CLIC4: variants seen among roughly 807,000 people sequenced by gnomAD.
The protein encoded by CLIC4 is chloride intracellular channel protein 4.
In CLIC4, 13 loss-of-function variants were observed where a neutral mutation model predicts 24.6. The observed-to-expected ratio is 0.53, with a 90% CI of 0.34 to 0.84. The LOEUF is 0.84. Among genes scored for constraint, CLIC4 ranks in the 40% least tolerant of loss-of-function variants. The pLI, the probability that CLIC4 is intolerant of heterozygous loss-of-function variation, is 0.01. For synonymous variants in CLIC4, 104 were observed against 111.3 expected, an observed-to-expected ratio of 0.93 and a Z score of 0.41; for missense variants, 227 against 301.7, an observed-to-expected ratio of 0.75 and a Z score of 1.83.
At chr1:24,814,327 C>T in intron 3 of CLIC4, 108 bp downstream of exon 3, 2 of 1,247,296 alleles carry the variant, frequency 1.6e-6, no homozygotes, top group Non-Finnish European at 2.3e-6. Context: ...GACTAGGACT[C>T]TCTTCTATGT....
chr1:24,815,028 C>T (rs1054042427), intron 3 of CLIC4, among the ~76,000 whole-genome samples: 2 of 151,934 alleles, frequency 1.3e-5, no homozygotes, highest in African/African-American at 2.4e-5. Flanking sequence ...CAGACCATTG[C>T]GAGTTAGGTT....
chr1:24,798,920 T>G (rs1417312779), intron 2 of CLIC4, among the ~76,000 whole-genome samples: 1 of 152,258 alleles, frequency 6.6e-6, no homozygotes, highest in Non-Finnish European at 1.5e-5. Context: ...GTGCCGGGAT[T>G]GCAGACGGAG....
chr1:24,792,649 C>CT (rs1639353734), intron 1 of CLIC4, among the ~76,000 whole-genome samples: 1 of 152,084 alleles, frequency 6.6e-6, no homozygotes, highest in African/African-American at 2.4e-5. Flanking sequence ...AAAAAAGGGA[C>CT]TTTTTTCAGG....
At chr1:24,768,740 C>T (rs1181576842) in intron 1 of CLIC4, among the ~76,000 whole-genome samples, 1 of 151,728 alleles carries the variant, frequency 6.6e-6, no homozygotes, top group African/African-American at 2.4e-5. Context: ...CATCTCTACT[C>T]ATAATACAAA....
chr1:24,831,108 A>G (rs945014900), intron 4 of CLIC4, among the ~76,000 whole-genome samples: 4 of 152,218 alleles, frequency 2.6e-5, no homozygotes, highest in Non-Finnish European at 4.4e-5. Flanking sequence ...TTAACTATGA[A>G]AAATTACTAA....
At chr1:24,766,836 C>G (rs966057562) in intron 1 of CLIC4, among the ~76,000 whole-genome samples, 3 of 151,284 alleles carry the variant, frequency 2.0e-5, no homozygotes, top group African/African-American at 7.3e-5. Context: ...GAAATAGTTT[C>G]TTTTGGAATT....
rs966914602 is a variant in CLIC4 at position 24,759,781 on chromosome 1, GT to G, written c.72+14160del. ...CTCTGCAACGTGGGGAAACCCCATC[GT>G]TTTGTGTTTTGCAAAAACACAAAAA... is the stretch of plus-strand genomic sequence containing the variant. On this transcript the variant is annotated intron_variant, in intron 1 of 5. Transcript: ENST00000374379. 8.5e-5 allele frequency among the ~76,000 whole-genome samples: 13 copies of G among 152,064 alleles called. No individual in the cohort carries two copies. The South Asian group carries it at 2.5e-3, about 29-fold the overall frequency.
chr1:24,828,561 C>T (rs746487955), intron 4 of CLIC4, among the ~76,000 whole-genome samples: 1 of 152,108 alleles, frequency 6.6e-6, no homozygotes, highest in Admixed American at 6.5e-5. Flanking sequence ...ATCTTAGTTA[C>T]AGTTATGTTT....
intron 1 of CLIC4, among the ~76,000 whole-genome samples, chr1:24,785,854 C>CAAAAAACAAAA (rs1639259830): frequency 1.7e-5 from 1 of 58,852 alleles, no homozygotes. Flanking sequence ...GACTACAACT[C>CAAAAAACAAAA]AAAAAAAAAA....
chr1:24,840,070 G>T, intron 5 of CLIC4, 29 bp downstream of exon 5: 1 of 1,595,724 alleles, frequency 6.3e-7, no homozygotes, highest in Non-Finnish European at 8.6e-7. Flanking sequence ...ATGTCGCATT[G>T]CCATTACCTT....
rs567637495 is a variant in CLIC4, at chr1:24,747,352, G to A, written c.72+1727G>A. Among the ~76,000 whole-genome samples the A allele has an allele frequency of 1.8e-4, 27 of 151,734 alleles. No individual in the cohort carries two copies. In the South Asian group the frequency reaches 5.4e-3, roughly 30 times the overall value. ...AGATCGAGACCATCCTGGCCAACAT[G>A]GTGAAACCCCATCTCTACTAAAAAT... On this transcript the variant is annotated intron_variant, in intron 1 of 5. Coordinates refer to ENST00000374379, the MANE Select transcript of CLIC4 (RefSeq NM_013943.3).
At chr1:24,798,066 G>A in intron 2 of CLIC4, 1 of 406,130 alleles carries the variant, frequency 2.5e-6, no homozygotes, top group Non-Finnish European at 4.4e-6. Context: ...ACTTTTGTAT[G>A]TTTACCTTAA....
intron 1 of CLIC4, among the ~76,000 whole-genome samples, chr1:24,751,842 G>A (rs1179405247): frequency 6.6e-6 from 1 of 152,156 alleles, no homozygotes; most frequent in African/African-American, 2.4e-5. Context: ...CCAGCCTGAG[G>A]GACAAGAGCA....
chr1:24,839,852 C>G lies in CLIC4; in HGVS notation c.416-8C>G, dbSNP rs753049839. On this transcript the variant is annotated splice_polypyrimidine_tract_variant and splice_region_variant and intron_variant, in intron 4 of 5. Coordinates refer to ENST00000374379, the MANE Select transcript of CLIC4 (RefSeq NM_013943.3). ...ACAGTATTCTCATCTCTTTTTTTCC[C>G]CCCCAAGCACTGGAGAGGGGTCTCC... 7.5e-6 allele frequency: 12 copies of G among 1,597,516 alleles called. No homozygotes were observed. Among genetic ancestry groups the G allele is most frequent in the Non-Finnish European group, 1.0e-5 (12 of 1,174,200 alleles).
intron 1 of CLIC4, among the ~76,000 whole-genome samples, chr1:24,791,733 G>A (rs1255443373): frequency 6.6e-6 from 1 of 152,030 alleles, no homozygotes; most frequent in Non-Finnish European, 1.5e-5. Flanking sequence ...AAAATCAGCT[G>A]GGCATGGTTG....
chr1:24,772,525 G>A (rs976713886), intron 1 of CLIC4, among the ~76,000 whole-genome samples: 2 of 152,038 alleles, frequency 1.3e-5, no homozygotes, highest in Non-Finnish European at 2.9e-5. Flanking sequence ...TTGCTCTCTC[G>A]CCCAGGCTAG....
At chr1:24,758,792 A>T (rs1202936805) in intron 1 of CLIC4, among the ~76,000 whole-genome samples, 1 of 151,736 alleles carries the variant, frequency 6.6e-6, no homozygotes, top group Non-Finnish European at 1.5e-5. Flanking sequence ...TGCATGAATT[A>T]TTATTTATTT....
chr1:24,792,894 A>G (rs1639356244), intron 1 of CLIC4, among the ~76,000 whole-genome samples: 1 of 152,222 alleles, frequency 6.6e-6, no homozygotes, highest in African/African-American at 2.4e-5. Context: ...GCCCATGCTC[A>G]AGGACTGGCT....
intron 2 of CLIC4, among the ~76,000 whole-genome samples, chr1:24,799,781 C>T (rs1639457950): frequency 2.8e-5 from 3 of 108,922 alleles, no homozygotes; most frequent in Non-Finnish European, 4.0e-5. Context: ...CCAGCTGCCC[C>T]GTCTGGGAGG....
Sources: gnomAD v4.1 joint callset for allele counts (sites outside exome capture counted in the v4.1 genomes callset) on GRCh38, gnomAD v4.1.1 for gene constraint, MANE v1.5 for transcripts, NCBI Gene and HGNC (gene_info 2026-07-23, HGNC 2026-07-21) for gene names.